The following CLDN6 variants were observed in gnomAD, a reference collection of about 807,000 sequenced individuals.
CLDN6 encodes claudin 6, also known as claudin-6.
For missense variants in CLDN6, 279 were observed against 284.1 expected (o/e 0.98, Z 0.13); for synonymous variants, 144 against 131.2 (o/e 1.10, Z -0.67).
At position 3,015,456 on chromosome 16, in the gene CLDN6, C is replaced by A. The variant is rs768208882; in HGVS notation, c.566G>T (p.Gly189Val). The change falls in exon 2 of 2, where the codon GGG becomes GTG. Residue 189 changes from glycine to valine, a missense_variant. Gly to Val is a moderately radical substitution (Grantham distance 109). Coordinates refer to ENST00000328796, the MANE Select transcript of CLDN6 (RefSeq NM_021195.5). ...CATGTAATGGCTGGGGCCCTGGGAC[C>A]CCCCCGAGGGGCAAGTGCAGCACAG... ...GLLCCTCPSG[G>V]SQGPSHYMAR... is the part of the protein sequence containing the mutation. 4 of 1,577,050 alleles carry A rather than the reference C, an allele frequency of 2.5e-6. No homozygotes were observed. The highest frequency in any genetic ancestry group is 3.4e-6 in the Non-Finnish European group (4 of 1,161,710).
rs1321468723 is a variant in CLDN6, at chr16:3,014,794, T to C, written c.*565A>G. 1.1e-5 allele frequency: 2 copies of C among 177,114 alleles called. No homozygotes were observed. Among genetic ancestry groups the C allele is most frequent in the Admixed American group, 1.9e-4 (2 of 10,392 alleles). The allele number at this position is 177,114 out of a possible 1,614,324, so 11.0% of individuals were successfully genotyped here. On this transcript the variant is annotated 3_prime_UTR_variant, in exon 2 of 2. Transcript: ENST00000328796. The stretch of plus-strand genomic sequence containing the variant: ...AGGGGGGCAGGGCAGAAGGGTGCAG[T>C]GTTGGAGGTGGGGGCGGGGGTCTAC...
chr16:3,015,123 C>T lies in CLDN6; in HGVS notation c.*236G>A, dbSNP rs1197579125. 3 of 455,070 alleles carry T rather than the reference C, an allele frequency of 6.6e-6. No individual in the cohort carries two copies. Among genetic ancestry groups the T allele is most frequent in the African/African-American group, 4.0e-5 (2 of 49,834 alleles). 28.2% of individuals were successfully genotyped at this position (455,070 alleles called of 1,614,324 possible). ...CTTCTAAGATGGGCATGTCAAGATC[C>T]AGAATCTCAAAGCATCCCCTCTTTG... On this transcript the variant is annotated 3_prime_UTR_variant, in exon 2 of 2. Transcript: ENST00000328796.
rs369700162 is a variant in CLDN6 at position 3,015,603 on chromosome 16, G to A, written c.419C>T (p.Ala140Val). The A allele has an allele frequency of 9.9e-6, 16 of 1,613,086 alleles. No individual in the cohort carries two copies. The highest frequency in any genetic ancestry group is 1.7e-4 in the Middle Eastern group (1 of 6,060). The change falls in exon 2 of 2, where the codon GCG (alanine) becomes GTG (valine). Residue 140 changes from alanine (A) to valine (V), a missense_variant. Ala to Val is a moderately conservative substitution (Grantham distance 64). Transcript: ENST00000328796. ...VLTLIPVCWT[A>V]HAIIRDFYNP... ...ATAGAAGTCCCGGATGATGGCATGC[G>A]CCGTCCAGCACACGGGGATTAGCGT...
chr16:3,016,121 G>A, intron 1 of CLDN6, 79 bp from the exon 2 acceptor site: 3 of 1,311,922 alleles, frequency 2.3e-6, no homozygotes, highest in Non-Finnish European at 2.1e-6. Context: ...GGACTCTAGG[G>A]GCATGCACCC....
At position 3,015,324 on chromosome 16, in the gene CLDN6, C is replaced by T. The variant is rs917253166; in HGVS notation, c.*35G>A. ...GTTGGGCACTGCCACTTCTGGATGG[C>T]TCTAGCGCCAGCGGAGCCCCCATTC... On this transcript the variant is annotated 3_prime_UTR_variant, in exon 2 of 2. Transcript: ENST00000328796. 2 of 1,512,696 alleles carry T rather than the reference C, an allele frequency of 1.3e-6. No homozygotes were observed. The highest frequency in any genetic ancestry group is 2.8e-5 in the African/African-American group (2 of 71,682). The allele number at this position is 1,512,696 out of a possible 1,614,324, so 93.7% of individuals were successfully genotyped here.
chr16:3,016,092 C>G, intron 1 of CLDN6, 50 bp from the exon 2 acceptor site: 2 of 1,521,862 alleles, frequency 1.3e-6, no homozygotes. Flanking sequence ...AGGCCCAGAC[C>G]TCAGGCCACA....
intron 1 of CLDN6, among the ~76,000 whole-genome samples, chr16:3,017,102 A>C (rs2072572707): frequency 6.6e-6 from 1 of 152,110 alleles, no homozygotes; most frequent in Admixed American, 6.6e-5. Context: ...TGTTAATTTC[A>C]ACACTAAGAT....
In CLDN6 at chr16:3,014,814, G is replaced by A; in HGVS notation, c.*545C>T. 1 of 276,970 alleles carries A rather than the reference G, an allele frequency of 3.6e-6. No individual in the cohort carries two copies. The highest frequency in any genetic ancestry group is 6.1e-5 in the East Asian group (1 of 16,396). The allele number at this position is 276,970 out of a possible 1,614,324, so 17.2% of individuals were successfully genotyped here. A position where few individuals can be genotyped will look rare whatever the true frequency, so the allele number is the denominator to read the frequency against. On this transcript the variant is annotated 3_prime_UTR_variant, in exon 2 of 2. Coordinates refer to ENST00000328796, the MANE Select transcript of CLDN6 (RefSeq NM_021195.5). ...TGCAGTGTTGGAGGTGGGGGCGGGG[G>A]TCTACATAGCTGGGACCTGGCCCTG...
rs1480795721 is a variant in CLDN6, at chr16:3,015,028, G to A, written c.*331C>T. 7.2e-6 allele frequency: 3 copies of A among 416,762 alleles called. No individual in the cohort carries two copies. Among genetic ancestry groups the A allele is most frequent in the African/African-American group, 2.1e-5 (1 of 48,714 alleles). 25.8% of individuals were successfully genotyped at this position (416,762 alleles called of 1,614,324 possible). ...GCCCCCAGCAGCAGCAGGAACTCTT[G>A]GGGACAGTCTGTCTTGTTGCAAAGC... On this transcript the variant is annotated 3_prime_UTR_variant, in exon 2 of 2. Coordinates refer to ENST00000328796, the MANE Select transcript of CLDN6 (RefSeq NM_021195.5).
At chr16:3,016,086 C>A (rs950483288) in intron 1 of CLDN6, 44 bp from the exon 2 acceptor site, 2 of 1,542,024 alleles carry the variant, frequency 1.3e-6, no homozygotes, top group Non-Finnish European at 8.8e-7. Flanking sequence ...CCTGGCAGGC[C>A]CAGACCTCAG....
rs1296240804 is a variant in CLDN6, at chr16:3,015,538, C to G, written c.484G>C (p.Ala162Pro). 3 of 1,612,802 alleles carry G rather than the reference C, an allele frequency of 1.9e-6. No individual in the cohort carries two copies. The highest frequency in any genetic ancestry group is 2.5e-6 in the Non-Finnish European group (3 of 1,179,898). The change falls in exon 2 of 2, where the codon GCC (alanine) becomes CCC (proline). Residue 162 changes from alanine (A) to proline (P), a missense_variant. By Grantham distance (27) the Ala-to-Pro change is conservative (BLOSUM62 -1). Coordinates refer to ENST00000328796, the MANE Select transcript of CLDN6 (RefSeq NM_021195.5). ...VAEAQKRELGASLYLGWAASG... is the reference protein window; with the variant it reads ...VAEAQKRELGPSLYLGWAASG... ...GCCGCCCAGCCCAAGTAGAGGGAGGCCCCCAGCTCCCGCTTTTGGGCCTCA... is the reference window on the plus strand; with the variant it reads ...GCCGCCCAGCCCAAGTAGAGGGAGGGCCCCAGCTCCCGCTTTTGGGCCTCA...
At chr16:3,016,352 G>A (rs1057152558) in intron 1 of CLDN6, among the ~76,000 whole-genome samples, 5 of 152,208 alleles carry the variant, frequency 3.3e-5, no homozygotes, top group African/African-American at 1.2e-4. Context: ...ACAGTCCAAG[G>A]CCAGAGCCAG....
chr16:3,015,988 C>T lies in CLDN6; in HGVS notation c.34G>A (p.Val12Ile), dbSNP rs759431556. The T allele has an allele frequency of 1.4e-5, 22 of 1,613,944 alleles. No individual in the cohort carries two copies. Among genetic ancestry groups the T allele is most frequent in the Admixed American group, 1.7e-5 (1 of 60,008 alleles). The change falls in exon 2 of 2, where the codon GTC (valine) becomes ATC (isoleucine). Residue 12 changes from valine (V) to isoleucine (I), a missense_variant. By Grantham distance (29) the Val-to-Ile change is conservative. Transcript: ENST00000328796. ...ASAGMQILGV[V>I]LTLLGWVNGL... Reference sequence around the variant, plus strand: ...TTCACCCAGCCCAGCAGTGTCAGGACGACTCCCAGGATCTGCATTCCGGCA... The same window carrying T: ...TTCACCCAGCCCAGCAGTGTCAGGATGACTCCCAGGATCTGCATTCCGGCA...
intron 1 of CLDN6, among the ~76,000 whole-genome samples, chr16:3,016,932 G>A (rs944939878): frequency 2.6e-5 from 4 of 152,110 alleles, no homozygotes; most frequent in Non-Finnish European, 5.9e-5. Flanking sequence ...ACAGGCATGA[G>A]CCACCACACC....
Position 3,015,808 on chromosome 16 carries a change from C to T in CLDN6, c.214G>A (p.Ala72Thr). Residue 72 changes from alanine (A) to threonine (T), a missense_variant, in exon 2 of 2, where the codon GCG becomes ACG. Coordinates refer to ENST00000328796, the MANE Select transcript of CLDN6 (RefSeq NM_021195.5). ...MQCKVYDSLL[A>T]LPQDLQAARA... ...GCAGCCTGCAGGTCCTGTGGCAGCG[C>T]CAGCAGTGAGTCGTACACCTTGCAC... 2 of 1,614,094 alleles carry T rather than the reference C, an allele frequency of 1.2e-6. No homozygotes were observed. The highest frequency in any genetic ancestry group is 1.7e-6 in the Non-Finnish European group (2 of 1,180,052).
In CLDN6 at chr16:3,015,285, C is replaced by A. The variant is rs1596468011; in HGVS notation, c.*74G>T. The stretch of plus-strand genomic sequence containing the variant: ...AGGAGGCAGAAACAAAAGGTACGAA[C>A]CCATCCCAAAGCTGTTGGGCACTGC... On this transcript the variant is annotated 3_prime_UTR_variant, in exon 2 of 2. Transcript: ENST00000328796. 5 of 1,331,076 alleles carry A rather than the reference C, an allele frequency of 3.8e-6. No homozygotes were observed. In the Admixed American group the frequency reaches 1.2e-4, roughly 31 times the overall value. 82.5% of individuals were successfully genotyped at this position (1,331,076 alleles called of 1,614,324 possible).
Position 3,015,585 on chromosome 16 carries a change from T to C in CLDN6, c.437A>G (p.Asp146Gly). Reference sequence around the variant, plus strand: ...CTCAGCCACCAGGGGGTTATAGAAGTCCCGGATGATGGCATGCGCCGTCCA... The same window carrying C: ...CTCAGCCACCAGGGGGTTATAGAAGCCCCGGATGATGGCATGCGCCGTCCA... The part of the protein sequence containing the change: ...VCWTAHAIIR[D>G]FYNPLVAEAQ... The change falls in exon 2 of 2, where the codon GAC becomes GGC. Residue 146 changes from aspartate (D) to glycine (G), a missense_variant. Transcript: ENST00000328796. 6.2e-7 allele frequency: 1 copy of C among 1,613,096 alleles called. No homozygotes were observed. The highest frequency in any genetic ancestry group is 8.5e-7 in the Non-Finnish European group (1 of 1,180,014).
chr16:3,016,096 G>C (rs2072565805), intron 1 of CLDN6, 54 bp from the exon 2 acceptor site: 2 of 1,498,082 alleles, frequency 1.3e-6, no homozygotes, highest in Middle Eastern at 1.8e-4. Flanking sequence ...CCAGACCTCA[G>C]GCCACATGTG....
intron 1 of CLDN6, among the ~76,000 whole-genome samples, chr16:3,017,865 G>C (rs1024157708): frequency 1.3e-5 from 2 of 150,712 alleles, no homozygotes; most frequent in African/African-American, 2.5e-5. Context: ...TGAGGGGGAG[G>C]GGGGAGGGGC....
Sources: gnomAD v4.1 joint callset for allele counts (sites outside exome capture counted in the v4.1 genomes callset) on GRCh38, gnomAD v4.1.1 for gene constraint, MANE v1.5 for transcripts, NCBI Gene and HGNC (gene_info 2026-07-23, HGNC 2026-07-21) for gene names.